FGF14: variants seen among roughly 807,000 people sequenced by gnomAD.
The protein encoded by FGF14 is fibroblast growth factor homologous factor 4.
A neutral mutation model predicts 25.5 loss-of-function variants in FGF14; 5 were observed. The ratio of observed to expected loss-of-function variants is 0.20; its 90% CI spans 0.10 to 0.41. The LOEUF is 0.41. Among genes scored for constraint, FGF14 ranks in the 10% least tolerant of loss-of-function variants. The probability of loss-of-function intolerance (pLI) is 1.00; values close to 1 mark genes in which losing one functional copy is unlikely to be tolerated. For synonymous variants in FGF14, 138 were observed against 118.3 expected (o/e 1.17, Z -1.08); for missense variants, 222 against 320.1 (o/e 0.69, Z 2.34).
intron 1 of FGF14, among the ~76,000 whole-genome samples, chr13:101,906,184 C>T (rs762868584): frequency 1.3e-5 from 2 of 152,182 alleles, no homozygotes; most frequent in Non-Finnish European, 2.9e-5. Context: ...GTCTTCTCTA[C>T]CCCAAGTTTG....
chr13:101,863,634 G>T (rs1476798481), intron 3 of FGF14, among the ~76,000 whole-genome samples: 1 of 152,106 alleles, frequency 6.6e-6, no homozygotes, highest in Non-Finnish European at 1.5e-5. Flanking sequence ...ACAGGTGAGG[G>T]ACATGTATGT....
At chr13:102,378,772 A>G (rs138427673) in intron 1 of FGF14, among the ~76,000 whole-genome samples, 5 of 152,260 alleles carry the variant, frequency 3.3e-5, no homozygotes, top group Admixed American at 6.5e-5. Flanking sequence ...CTTTAACTCC[A>G]AAGTTCATAT....
chr13:102,186,512 G>A (rs1258327604), intron 1 of FGF14, among the ~76,000 whole-genome samples: 1 of 152,088 alleles, frequency 6.6e-6, no homozygotes, highest in Non-Finnish European at 1.5e-5. Context: ...TTAAAGTAGT[G>A]TAAAAATCAA....
chr13:102,396,028 T>TGA (rs2058574182), intron 1 of FGF14, among the ~76,000 whole-genome samples: 1 of 152,152 alleles, frequency 6.6e-6, no homozygotes, highest in South Asian at 2.1e-4. Context: ...ATTGCATCTC[T>TGA]AGAGGTATAC....
At chr13:102,155,490 A>G (rs1399540793) in intron 1 of FGF14, among the ~76,000 whole-genome samples, 39 of 148,570 alleles carry the variant, frequency 2.6e-4, no homozygotes, top group South Asian at 8.7e-4. Context: ...ACATACCAGA[A>G]TCTCTGGGAC....
intron 3 of FGF14, among the ~76,000 whole-genome samples, chr13:101,856,388 T>C (rs1324961722): frequency 6.6e-6 from 1 of 151,912 alleles, no homozygotes; most frequent in Non-Finnish European, 1.5e-5. Context: ...GCAATATCTA[T>C]TACTATATAC....
chr13:102,022,395 T>TG (rs1347370431), intron 1 of FGF14, among the ~76,000 whole-genome samples: 2 of 152,112 alleles, frequency 1.3e-5, no homozygotes, highest in Admixed American at 6.6e-5. Context: ...TTCAGTCTCT[T>TG]GGAGTCATAA....
At chr13:102,199,315 C>T (rs2049506920) in intron 1 of FGF14, among the ~76,000 whole-genome samples, 1 of 152,158 alleles carries the variant, frequency 6.6e-6, no homozygotes, top group Non-Finnish European at 1.5e-5. Context: ...CTTTTTATAT[C>T]TTTCCTTCTA....
At chr13:102,040,305 C>A (rs1028990692) in intron 1 of FGF14, among the ~76,000 whole-genome samples, 1 of 152,074 alleles carries the variant, frequency 6.6e-6, no homozygotes, top group Non-Finnish European at 1.5e-5. Flanking sequence ...TAGTTGTAGG[C>A]GGAGCAAATA....
intron 3 of FGF14, among the ~76,000 whole-genome samples, chr13:101,728,241 C>T (rs1323063262): frequency 6.6e-6 from 1 of 152,104 alleles, no homozygotes; most frequent in Non-Finnish European, 1.5e-5. Context: ...AGATGCTTTT[C>T]AAGACAAAGA....
chr13:102,322,216 T>C (rs1050635161), intron 1 of FGF14, among the ~76,000 whole-genome samples: 1 of 152,238 alleles, frequency 6.6e-6, no homozygotes, highest in Non-Finnish European at 1.5e-5. Flanking sequence ...ATGAACTTCT[T>C]GAGCAGTTAA....
chr13:102,359,128 T>C (rs1164884363), intron 1 of FGF14, among the ~76,000 whole-genome samples: 3 of 151,636 alleles, frequency 2.0e-5, no homozygotes, highest in South Asian at 2.1e-4. Flanking sequence ...TGAGAACACA[T>C]TGGCACAGGG....
chr13:102,299,901 T>C (rs1238888306), intron 1 of FGF14: 1 of 152,140 alleles, frequency 6.6e-6, no homozygotes, highest in Non-Finnish European at 1.5e-5. Flanking sequence ...AAAACATATA[T>C]GTAAACTGAA....
At chr13:102,372,848 T>C (rs142332776) in intron 1 of FGF14, among the ~76,000 whole-genome samples, 260 of 152,282 alleles carry the variant, frequency 1.7e-3, no homozygotes, top group African/African-American at 5.9e-3. Context: ...GGGGCTACTG[T>C]GAAGCTTTAT....
intron 1 of FGF14, among the ~76,000 whole-genome samples, chr13:102,295,625 A>T (rs1047638191): frequency 1.3e-5 from 2 of 152,140 alleles, no homozygotes; most frequent in African/African-American, 4.8e-5. Context: ...CTTGCCTGAG[A>T]TTACAGAATT....
At chr13:101,810,239 A>G (rs1285473934) in intron 3 of FGF14, among the ~76,000 whole-genome samples, 1 of 152,152 alleles carries the variant, frequency 6.6e-6, no homozygotes, top group East Asian at 1.9e-4. Context: ...AGTTTTCACC[A>G]CCAGTACTCA....
chr13:102,119,382 T>C (rs760058665), intron 1 of FGF14, among the ~76,000 whole-genome samples: 56 of 152,158 alleles, frequency 3.7e-4, no homozygotes, highest in Non-Finnish European at 7.1e-4. Context: ...GAGAGACTAA[T>C]GACACACAAT....
At chr13:102,297,113 T>C (rs952143604) in intron 1 of FGF14, among the ~76,000 whole-genome samples, 37 of 152,310 alleles carry the variant, frequency 2.4e-4, no homozygotes, top group African/African-American at 8.4e-4. Context: ...TATTGGTAGA[T>C]AACCTTCAAG....
intron 3 of FGF14, among the ~76,000 whole-genome samples, chr13:101,772,054 A>AT (rs374870927): frequency 9.2e-5 from 14 of 152,238 alleles, no homozygotes; most frequent in African/African-American, 3.4e-4. Context: ...CATTGTTGAA[A>AT]TAAGACATGA....
Sources: gnomAD v4.1 joint callset for allele counts (sites outside exome capture counted in the v4.1 genomes callset) on GRCh38, gnomAD v4.1.1 for gene constraint, MANE v1.5 for transcripts, NCBI Gene and HGNC (gene_info 2026-07-23, HGNC 2026-07-21) for gene names.